Variants in CAVIN1 observed in about 807,000 individuals in gnomAD.
CAVIN1 encodes caveolae associated protein 1, also known as caveolae-associated protein 1.
A neutral mutation model predicts 24.0 loss-of-function variants in CAVIN1; 16 were observed. The observed-to-expected ratio is 0.67, with a 90% CI of 0.45 to 1.01. The LOEUF is 1.01. CAVIN1 is among the 50% of genes least tolerant of loss of function. The probability of loss-of-function intolerance (pLI) is 0.00; values close to 1 mark genes in which losing one functional copy is unlikely to be tolerated. For missense variants in CAVIN1, 510 were observed against 551.7 expected (o/e 0.92, Z 0.76); for synonymous variants, 256 against 256.4 (o/e 1.00, Z 0.02).
chr17:42,404,387 G>T lies in CAVIN1; in HGVS notation c.*300C>A. 3.8e-6 allele frequency: 1 copy of T among 264,876 alleles called. No homozygotes were observed. Among genetic ancestry groups the T allele is most frequent in the Non-Finnish European group, 7.1e-6 (1 of 140,358 alleles). The allele number at this position is 264,876 out of a possible 1,614,324, so 16.4% of individuals were successfully genotyped here. A position where few individuals can be genotyped will look rare whatever the true frequency, so the allele number is the denominator to read the frequency against. On this transcript the variant is annotated 3_prime_UTR_variant, in exon 2 of 2. Coordinates refer to ENST00000357037, the MANE Select transcript of CAVIN1 (RefSeq NM_012232.6). ...TGAGGGGAAGGCAGCCCCCCCAGGG[G>T]GGCCTAACCGTGGAATCACTGCAAT...
At position 42,402,903 on chromosome 17, in the gene CAVIN1, CTT is replaced by C. The variant is rs1445412961; in HGVS notation, c.*1782_*1783del. ...TGGGGAGGAACAAGGGGACTCGTGTCTTGAGAACCTGGTCGTGTCTTGAGAAC... is the reference window on the plus strand; with the variant it reads ...TGGGGAGGAACAAGGGGACTCGTGTCGAGAACCTGGTCGTGTCTTGAGAAC... On this transcript the variant is annotated 3_prime_UTR_variant, in exon 2 of 2. Coordinates refer to ENST00000357037, the MANE Select transcript of CAVIN1 (RefSeq NM_012232.6). 1.3e-5 allele frequency: 2 copies of C among 152,170 alleles called. No homozygotes were observed. Among genetic ancestry groups the C allele is most frequent in the East Asian group, 3.8e-4 (2 of 5,222 alleles). 9.4% of individuals were successfully genotyped at this position (152,170 alleles called of 1,614,324 possible).
At position 42,422,798 on chromosome 17, in the gene CAVIN1, G is replaced by A. The variant is rs373102565; in HGVS notation, c.300C>T (p.His100=). 1 of 1,613,592 alleles carries A rather than the reference G, an allele frequency of 6.2e-7. No individual in the cohort carries two copies. The highest frequency in any genetic ancestry group is 1.3e-5 in the African/African-American group (1 of 74,926). Residue 100 remains histidine, a synonymous_variant, in exon 1 of 2, where the codon CAC becomes CAT. Coordinates refer to ENST00000357037, the MANE Select transcript of CAVIN1 (RefSeq NM_012232.6). ...QGELSKLGKA[H]ATTSNTVSKL... is the part of the protein sequence containing the mutation. ...TGCTCACCGTATTGCTCGTGGTGGC[G>A]TGCGCCTTGCCCAGCTTGCTCAGCT...
chr17:42,410,819 G>T (rs866375122), intron 1 of CAVIN1, among the ~76,000 whole-genome samples: 4 of 148,134 alleles, frequency 2.7e-5, no homozygotes, highest in Admixed American at 6.8e-5. Flanking sequence ...GGCTGAACCA[G>T]GGAGGTGGAG....
chr17:42,412,420 G>T (rs577054517), intron 1 of CAVIN1, among the ~76,000 whole-genome samples: 34 of 149,986 alleles, frequency 2.3e-4, no homozygotes, highest in Non-Finnish European at 4.0e-4. Context: ...TAGAAATGGG[G>T]GTCTTGCTCT....
At chr17:42,409,509 A>G (rs2085463962) in intron 1 of CAVIN1, among the ~76,000 whole-genome samples, 1 of 152,138 alleles carries the variant, frequency 6.6e-6, no homozygotes. Flanking sequence ...CTTACACCAT[A>G]GGAGCTGCCT....
intron 1 of CAVIN1, among the ~76,000 whole-genome samples, chr17:42,405,818 G>T (rs1160820164): frequency 2.0e-5 from 3 of 151,434 alleles, no homozygotes; most frequent in Non-Finnish European, 4.4e-5. Context: ...CTCCCGAATA[G>T]CTGGGATTAC....
At position 42,405,198 on chromosome 17, in the gene CAVIN1, A is replaced by T. The variant is rs745568512; in HGVS notation, c.662T>A (p.Ile221Asn). The change falls in exon 2 of 2, where the codon ATC becomes AAC. Residue 221 changes from isoleucine to asparagine, a missense_variant. Ile to Asn is a moderately radical substitution (Grantham distance 149, BLOSUM62 -3). Coordinates refer to ENST00000357037, the MANE Select transcript of CAVIN1 (RefSeq NM_012232.6). ...EVIEESRAER[I>N]KRSGLRRVDD... Reference sequence around the variant, plus strand: ...CACGCGCCGCAGGCCGCTGCGCTTGATACGCTCTGCGCGGGACTCCTCAAT... The same window carrying T: ...CACGCGCCGCAGGCCGCTGCGCTTGTTACGCTCTGCGCGGGACTCCTCAAT... The T allele has an allele frequency of 2.5e-6, 4 of 1,613,940 alleles. No homozygotes were observed. Among genetic ancestry groups the T allele is most frequent in the Non-Finnish European group, 3.4e-6 (4 of 1,179,980 alleles).
chr17:42,411,851 C>T, intron 1 of CAVIN1: 5 of 985,400 alleles, frequency 5.1e-6, no homozygotes, highest in Non-Finnish European at 6.0e-6. Flanking sequence ...TTCCATTCCC[C>T]TCCCATCCCC....
At position 42,423,253 on chromosome 17, in the gene CAVIN1, A is replaced by G; in HGVS notation, c.-156T>C. ...CCGTGCGCACCGGGACAGCGGCCAG[A>G]ACTGCTGGGCGGGGGATCGGTGAGC... On this transcript the variant is annotated 5_prime_UTR_variant, in exon 1 of 2. Transcript: ENST00000357037. 1.6e-6 allele frequency: 1 copy of G among 644,710 alleles called. No homozygotes were observed. 39.9% of individuals were successfully genotyped at this position (644,710 alleles called of 1,614,324 possible).
chr17:42,411,760 T>C (rs2085480199), intron 1 of CAVIN1: 4 of 985,324 alleles, frequency 4.1e-6, no homozygotes, highest in Non-Finnish European at 4.8e-6. Flanking sequence ...TGCGCCTTCA[T>C]GCTAGGCAGC....
chr17:42,405,682 GTT>G (rs531661585), intron 1 of CAVIN1, among the ~76,000 whole-genome samples: 4 of 57,820 alleles, frequency 6.9e-5, no homozygotes, highest in South Asian at 7.7e-4. Flanking sequence ...CTCTCTCCTT[GTT>G]TTTTTTTTTT....
At position 42,403,814 on chromosome 17, in the gene CAVIN1, G is replaced by C. The variant is rs762839204; in HGVS notation, c.*873C>G. 1 of 152,204 alleles carries C rather than the reference G, an allele frequency of 6.6e-6. No individual in the cohort carries two copies. The highest frequency in any genetic ancestry group is 2.4e-5 in the African/African-American group (1 of 41,414). The allele number at this position is 152,204 out of a possible 1,614,324, so 9.4% of individuals were successfully genotyped here. On this transcript the variant is annotated 3_prime_UTR_variant, in exon 2 of 2. Transcript: ENST00000357037. ...AGCTAATTTTTGTAATTTTAGTAGA[G>C]ATGGGTTTTCGCTTAGTAGAGATGG...
At position 42,414,072 on chromosome 17, in the gene CAVIN1, T is replaced by C. The variant is rs2085497837; in HGVS notation, c.471+8555A>G. Among the ~76,000 whole-genome samples, 3 of 152,146 alleles carry C rather than the reference T, an allele frequency of 2.0e-5. No individual in the cohort carries two copies. In the South Asian group the frequency reaches 6.2e-4, roughly 32 times the overall value. The stretch of plus-strand genomic sequence containing the variant: ...GCCACCATGCCCGGCTAATTTTTTT[T>C]GTATTTTTGGTAGAGACGGAGTTTC... On this transcript the variant is annotated intron_variant, in intron 1 of 1. Coordinates refer to ENST00000357037, the MANE Select transcript of CAVIN1 (RefSeq NM_012232.6).
At position 42,422,699 on chromosome 17, in the gene CAVIN1, C is replaced by T; in HGVS notation, c.399G>A (p.Gly133=). The T allele has an allele frequency of 1.9e-6, 3 of 1,608,058 alleles. No individual in the cohort carries two copies. The highest frequency in any genetic ancestry group is 1.3e-5 in the African/African-American group (1 of 74,894). ...TVRGSLERQA[G]QIKKLEVNEA... is the part of the protein sequence containing the mutation. ...CGTTGACCTCCAGCTTCTTGATCTG[C>T]CCCGCCTGGCGCTCCAGGCTGCCGC... Residue 133 remains glycine, a synonymous_variant, in exon 1 of 2, where the codon GGG becomes GGA. Transcript: ENST00000357037.
At chr17:42,408,653 G>A (rs904829693) in intron 1 of CAVIN1, among the ~76,000 whole-genome samples, 3 of 151,860 alleles carry the variant, frequency 2.0e-5, no homozygotes, top group Non-Finnish European at 4.4e-5. Flanking sequence ...CACCACACCT[G>A]GCTAATTTTG....
At chr17:42,409,291 G>A (rs1209930627) in intron 1 of CAVIN1, among the ~76,000 whole-genome samples, 1 of 152,016 alleles carries the variant, frequency 6.6e-6, no homozygotes, top group Non-Finnish European at 1.5e-5. Flanking sequence ...TGTACAGGCA[G>A]AGTCTCACTA....
intron 1 of CAVIN1, among the ~76,000 whole-genome samples, chr17:42,409,923 C>A (rs1053852174): frequency 6.6e-6 from 1 of 152,070 alleles, no homozygotes; most frequent in Non-Finnish European, 1.5e-5. Flanking sequence ...CCTTTAATGA[C>A]CAGCTCTGAA....
chr17:42,414,225 G>T (rs922831745), intron 1 of CAVIN1, among the ~76,000 whole-genome samples: 2 of 151,974 alleles, frequency 1.3e-5, no homozygotes, highest in Admixed American at 1.3e-4. Context: ...TCTTCCCTGG[G>T]GTAGGGTGGA....
rs752558303 is a variant in CAVIN1 at position 42,404,875 on chromosome 17, G to A, written c.985C>T (p.Arg329Cys). Residue 329 changes from arginine (R) to cysteine (C), a missense_variant, in exon 2 of 2, where the codon CGC becomes TGC. By Grantham distance (180) the Arg-to-Cys change is radical (BLOSUM62 -3). Transcript: ENST00000357037. ...PPFTFHVKKI[R>C]EGQVEVLKAT... ...TTGAGCACTTCCACCTGGCCCTCGC[G>A]GATCTTCTTGACGTGGAAGGTGAAG... 27 of 1,613,838 alleles carry A rather than the reference G, an allele frequency of 1.7e-5. No individual in the cohort carries two copies. The highest frequency in any genetic ancestry group is 2.3e-5 in the Non-Finnish European group (27 of 1,179,910).
Sources: gnomAD v4.1 joint callset for allele counts (sites outside exome capture counted in the v4.1 genomes callset) on GRCh38, gnomAD v4.1.1 for gene constraint, MANE v1.5 for transcripts, NCBI Gene and HGNC (gene_info 2026-07-23, HGNC 2026-07-21) for gene names.